Variants in SLC44A5 observed in about 807,000 individuals in gnomAD.
SLC44A5 encodes the protein solute carrier family 44 member 5.
SLC44A5 carries 57 observed loss-of-function variants against 101.8 expected under a neutral mutation model. The ratio of observed to expected loss-of-function variants is 0.56; its 90% confidence interval spans 0.45 to 0.70. SLC44A5 has a LOEUF of 0.70. Among genes scored for constraint, SLC44A5 ranks in the 30% least tolerant of loss-of-function variants. SLC44A5 has a pLI of 0.00. For missense variants in SLC44A5, 737 were observed against 853.1 expected (o/e 0.86, Z 1.70); for synonymous variants, 281 against 290.9 (o/e 0.97, Z 0.35).
chr1:75,707,217 G>A, the SLC44A5 span, among the ~76,000 whole-genome samples: 1 of 152,200 alleles, frequency 6.6e-6, no homozygotes, highest in Non-Finnish European at 1.5e-5. Flanking sequence ...CAGATGAAAT[G>A]AGTACTCAGA....
intron 1 of SLC44A5, among the ~76,000 whole-genome samples, chr1:75,588,519 C>A (rs1674152008): frequency 6.6e-6 from 1 of 151,968 alleles, no homozygotes. Flanking sequence ...TCTGCCCGAT[C>A]CGAAAGTTCG....
At chr1:75,306,260 A>T (rs1211351160) in intron 4 of SLC44A5, among the ~76,000 whole-genome samples, 1 of 152,204 alleles carries the variant, frequency 6.6e-6, no homozygotes, top group Non-Finnish European at 1.5e-5. Flanking sequence ...GAAAAAGTTT[A>T]CTGACCTCTG....
intron 3 of SLC44A5, among the ~76,000 whole-genome samples, chr1:75,362,989 A>G (rs1659605517): frequency 6.6e-6 from 1 of 151,968 alleles, no homozygotes; most frequent in African/African-American, 2.4e-5. Flanking sequence ...TGCTTTATAT[A>G]TTTAGGTTGG....
the SLC44A5 span, among the ~76,000 whole-genome samples, chr1:75,691,415 G>C: frequency 6.6e-6 from 1 of 152,130 alleles, no homozygotes; most frequent in Non-Finnish European, 1.5e-5. Context: ...AAATCATCTA[G>C]AAAATGAATA....
At chr1:75,311,496 T>C in intron 4 of SLC44A5, 1 of 937,174 alleles carries the variant, frequency 1.1e-6, no homozygotes, top group Non-Finnish European at 1.3e-6. Flanking sequence ...CTCAGTTCTC[T>C]TACAACAAAG....
the SLC44A5 span, among the ~76,000 whole-genome samples, chr1:75,617,896 G>GT: frequency 6.6e-6 from 1 of 152,122 alleles, no homozygotes; most frequent in East Asian, 1.9e-4. Flanking sequence ...TTAGAATAAT[G>GT]TTTTTCTGTT....
At chr1:75,680,331 A>T in the SLC44A5 span, among the ~76,000 whole-genome samples, 3 of 151,860 alleles carry the variant, frequency 2.0e-5, no homozygotes, top group Admixed American at 2.0e-4. Flanking sequence ...ACCACACCAC[A>T]CCTATTCCAA....
intron 8 of SLC44A5, 59 bp from the exon 9 acceptor site, chr1:75,242,120 G>T: frequency 1.5e-6 from 2 of 1,352,206 alleles, no homozygotes; most frequent in South Asian, 1.2e-5. Flanking sequence ...ACTTTATACT[G>T]AATCTAAATA....
chr1:75,717,285 G>C, the SLC44A5 span, among the ~76,000 whole-genome samples: 1 of 151,110 alleles, frequency 6.6e-6, no homozygotes, highest in Non-Finnish European at 1.5e-5. Context: ...AGGTTGCAGT[G>C]AGCTGAGATT....
chr1:75,696,940 G>A, the SLC44A5 span, among the ~76,000 whole-genome samples: 2 of 151,882 alleles, frequency 1.3e-5, no homozygotes, highest in African/African-American at 2.4e-5. Flanking sequence ...TGTTTTATGC[G>A]ATCAGGAGTG....
intron 2 of SLC44A5, among the ~76,000 whole-genome samples, chr1:75,530,768 C>G: frequency 6.6e-6 from 1 of 152,064 alleles, no homozygotes; most frequent in Non-Finnish European, 1.5e-5. Context: ...ATGCCAAAAC[C>G]AGCAACTAAT....
chr1:75,538,772 G>C (rs1364375366), intron 2 of SLC44A5, among the ~76,000 whole-genome samples: 1 of 152,168 alleles, frequency 6.6e-6, no homozygotes, highest in Non-Finnish European at 1.5e-5. Flanking sequence ...AAAATTTATT[G>C]TTCCTCTTTG....
the SLC44A5 span, among the ~76,000 whole-genome samples, chr1:75,670,551 T>C: frequency 1.3e-5 from 2 of 152,216 alleles, no homozygotes; most frequent in Non-Finnish European, 2.9e-5. Context: ...ATATGCTTAA[T>C]AATGTTTTGA....
intron 2 of SLC44A5, among the ~76,000 whole-genome samples, chr1:75,408,126 T>C (rs1420655531): frequency 6.6e-6 from 1 of 152,228 alleles, no homozygotes; most frequent in Non-Finnish European, 1.5e-5. Context: ...TCATTGTCGC[T>C]GGTCATTAGA....
chr1:75,390,084 C>T (rs1661682107), intron 3 of SLC44A5, among the ~76,000 whole-genome samples: 1 of 151,874 alleles, frequency 6.6e-6, no homozygotes, highest in Non-Finnish European at 1.5e-5. Flanking sequence ...TGGGTAAATT[C>T]ATAGTCTCCC....
chr1:75,666,230 C>CATTTTTATG, the SLC44A5 span, among the ~76,000 whole-genome samples: 1 of 152,056 alleles, frequency 6.6e-6, no homozygotes, highest in Non-Finnish European at 1.5e-5. Flanking sequence ...AAGTGCCCAT[C>CATTTTTATG]CATGGTGGAT....
chr1:75,719,881 C>G, the SLC44A5 span, among the ~76,000 whole-genome samples: 1 of 152,110 alleles, frequency 6.6e-6, no homozygotes, highest in Non-Finnish European at 1.5e-5. Flanking sequence ...ATTTCAAAGG[C>G]TCTGGGACCA....
At chr1:75,678,057 G>T in the SLC44A5 span, among the ~76,000 whole-genome samples, 1 of 152,200 alleles carries the variant, frequency 6.6e-6, no homozygotes, top group Non-Finnish European at 1.5e-5. Context: ...TTTCCAAAGG[G>T]CTTAGAAAAC....
intron 5 of SLC44A5, among the ~76,000 whole-genome samples, chr1:75,300,157 G>T (rs1164151462): frequency 6.6e-6 from 1 of 151,150 alleles, no homozygotes; most frequent in Non-Finnish European, 1.5e-5. Flanking sequence ...AAAGAGACTA[G>T]AACTTTTTGT....
Sources: allele counts gnomAD v4.1 joint callset (sites outside exome capture counted in the v4.1 genomes callset), GRCh38; gene constraint gnomAD v4.1.1; transcripts MANE v1.5; gene names NCBI Gene and HGNC (gene_info 2026-07-23, HGNC 2026-07-21).